Variants in OPCML observed in about 807,000 individuals in gnomAD.
The protein encoded by OPCML is opioid binding protein/cell adhesion molecule like.
A neutral mutation model predicts 37.8 loss-of-function variants in OPCML; 13 were observed. The observed-to-expected ratio is 0.34, with a 90% CI of 0.22 to 0.55. OPCML has a LOEUF of 0.55. Ranked by LOEUF, OPCML falls within the 20% of genes least tolerant of loss-of-function variation. The probability of loss-of-function intolerance (pLI) is 0.91; values close to 1 mark genes in which losing one functional copy is unlikely to be tolerated. For synonymous variants in OPCML, 176 were observed against 168.8 expected (o/e 1.04, Z -0.33); for missense variants, 341 against 435.6 (o/e 0.78, Z 1.93).
intron 2 of OPCML, among the ~76,000 whole-genome samples, chr11:132,705,964 C>A (rs1193559918): frequency 6.6e-6 from 1 of 152,014 alleles, no homozygotes; most frequent in Non-Finnish European, 1.5e-5. Context: ...TGCACCACCA[C>A]GCCCAGCTAA....
intron 3 of OPCML, among the ~76,000 whole-genome samples, chr11:132,631,723 CTGTT>C (rs1421197595): frequency 6.6e-6 from 1 of 151,918 alleles, no homozygotes; most frequent in Non-Finnish European, 1.5e-5. Flanking sequence ...ACATTTAACT[CTGTT>C]TACGTTTTTG....
At chr11:133,191,539 C>T (rs202019240) in intron 1 of OPCML, among the ~76,000 whole-genome samples, 127 of 107,928 alleles carry the variant, frequency 1.2e-3, no homozygotes, top group Middle Eastern at 0.011. Flanking sequence ...GTGTGTGTGA[C>T]GGAGTTTCAC....
chr11:132,786,045 T>C (rs1207797528), intron 2 of OPCML, among the ~76,000 whole-genome samples: 1 of 152,114 alleles, frequency 6.6e-6, no homozygotes, highest in Non-Finnish European at 1.5e-5. Flanking sequence ...TATCAAAGGT[T>C]CTCTTTACCC....
chr11:132,930,844 G>A (rs1945175804), intron 2 of OPCML, among the ~76,000 whole-genome samples: 1 of 152,072 alleles, frequency 6.6e-6, no homozygotes, highest in African/African-American at 2.4e-5. Context: ...TCAAGAGACT[G>A]GAAATAGCCA....
chr11:133,314,446 CT>C (rs1403875319), intron 1 of OPCML, among the ~76,000 whole-genome samples: 1 of 151,712 alleles, frequency 6.6e-6, no homozygotes, highest in African/African-American at 2.4e-5. Context: ...AATCTTGAAA[CT>C]TCTGTGGATA....
chr11:133,385,083 G>C (rs1945016158), intron 1 of OPCML, among the ~76,000 whole-genome samples: 1 of 152,194 alleles, frequency 6.6e-6, no homozygotes, highest in Non-Finnish European at 1.5e-5. Flanking sequence ...CAGAAGGGAG[G>C]GTGGGGGGCT....
intron 3 of OPCML, among the ~76,000 whole-genome samples, chr11:132,598,420 A>C (rs2096495919): frequency 6.6e-6 from 1 of 152,166 alleles, no homozygotes; most frequent in Non-Finnish European, 1.5e-5. Context: ...GCAGATGCTC[A>C]ATATCTCAAA....
intron 4 of OPCML, among the ~76,000 whole-genome samples, chr11:132,493,655 G>T (rs114388273): frequency 1.3e-5 from 2 of 152,212 alleles, no homozygotes; most frequent in African/African-American, 4.8e-5. Context: ...GGGGAGAAAA[G>T]ATGCACAGAG....
chr11:132,623,359 A>G (rs1336197811), intron 3 of OPCML, among the ~76,000 whole-genome samples: 2 of 151,974 alleles, frequency 1.3e-5, no homozygotes. Context: ...AAGAACTGGG[A>G]CGTTAAAAAC....
At chr11:132,917,161 T>C (rs1180451407) in intron 2 of OPCML, among the ~76,000 whole-genome samples, 1 of 152,106 alleles carries the variant, frequency 6.6e-6, no homozygotes, top group Non-Finnish European at 1.5e-5. Context: ...TCTAGTCCAA[T>C]TGATTATTAA....
chr11:132,586,405 T>G (rs1011941337), intron 3 of OPCML, among the ~76,000 whole-genome samples: 1 of 152,164 alleles, frequency 6.6e-6, no homozygotes, highest in African/African-American at 2.4e-5. Context: ...CTTAACCAAA[T>G]AGTAACTCTC....
intron 2 of OPCML, among the ~76,000 whole-genome samples, chr11:132,776,172 G>A (rs1048252906): frequency 3.3e-5 from 5 of 152,108 alleles, no homozygotes; most frequent in East Asian, 1.9e-4. Flanking sequence ...CAGGTGATCC[G>A]CCAGCCTCAG....
intron 4 of OPCML, among the ~76,000 whole-genome samples, chr11:132,490,219 A>G (rs752877348): frequency 2.6e-5 from 4 of 151,506 alleles, no homozygotes; most frequent in Non-Finnish European, 2.9e-5. Context: ...TCTGCTTGCT[A>G]TACTGTAATC....
intron 3 of OPCML, among the ~76,000 whole-genome samples, chr11:132,575,166 C>T (rs187418064): frequency 1.3e-5 from 2 of 151,956 alleles, no homozygotes; most frequent in East Asian, 3.9e-4. Flanking sequence ...ATGATTTTCC[C>T]CTCACTTGAG....
chr11:132,761,712 CT>C (rs1001699418), intron 2 of OPCML, among the ~76,000 whole-genome samples: 1 of 152,054 alleles, frequency 6.6e-6, no homozygotes, highest in African/African-American at 2.4e-5. Flanking sequence ...TTCCCGTAAC[CT>C]TTTATCAAGG....
chr11:133,190,833 G>A lies in OPCML; in HGVS notation c.62-247823C>T, dbSNP rs936168638. Among the ~76,000 whole-genome samples the A allele has an allele frequency of 7.9e-5, 12 of 151,902 alleles. No individual in the cohort carries two copies. In the South Asian group the frequency reaches 1.5e-3, roughly 18 times the overall value. On this transcript the variant is annotated intron_variant, in intron 1 of 7. Transcript: ENST00000524381. ...TAGTGTTTTATTTTTTTTAATTGCC[G>A]AATATTATTTCATTATATGGCTTGA...
At chr11:132,426,629 A>C (rs1344930612) in intron 7 of OPCML, among the ~76,000 whole-genome samples, 1 of 152,134 alleles carries the variant, frequency 6.6e-6, no homozygotes, top group African/African-American at 2.4e-5. Context: ...ATGGGGTTTC[A>C]CCATGTTGCC....
At chr11:133,418,187 A>G in intron 1 of OPCML, 1 of 985,406 alleles carries the variant, frequency 1.0e-6, no homozygotes, top group Non-Finnish European at 1.2e-6. Context: ...CTGCCATGGC[A>G]GGGTCTTCGG....
rs2096383991 is a variant in OPCML at position 132,552,484 on chromosome 11, T to A, written c.380-23298A>T. Among the ~76,000 whole-genome samples the A allele has an allele frequency of 2.0e-5, 3 of 152,158 alleles. No individual in the cohort carries two copies. The South Asian group carries it at 6.2e-4, about 32-fold the overall frequency. ...GCTTTTATTTTCACAAAACAAGAAG[T>A]TCTGTTGTTATTGTTTGTTTGTTTT... is the stretch of plus-strand genomic sequence containing the variant. On this transcript the variant is annotated intron_variant, in intron 3 of 7. Transcript: ENST00000524381.
Sources: allele counts gnomAD v4.1 joint callset (sites outside exome capture counted in the v4.1 genomes callset), GRCh38; gene constraint gnomAD v4.1.1; transcripts MANE v1.5; gene names NCBI Gene and HGNC (gene_info 2026-07-23, HGNC 2026-07-21).